COL14A1: variants seen among roughly 807,000 people sequenced by gnomAD.
COL14A1 encodes the protein collagen alpha-1(XIV) chain.
A neutral mutation model predicts 230.3 loss-of-function variants in COL14A1; 136 were observed. That is an observed-to-expected ratio of 0.59 (90% CI 0.51 to 0.68). The LOEUF (loss-of-function observed/expected upper bound fraction) is 0.68. Ranked by LOEUF, COL14A1 falls within the 30% of genes least tolerant of loss-of-function variation. The pLI, the probability that COL14A1 is intolerant of heterozygous loss-of-function variation, is 0.00. For missense variants in COL14A1, 1,976 were observed against 2,215.8 expected (o/e 0.89, Z 2.17); for synonymous variants, 792 against 784.1 (o/e 1.01, Z -0.17).
intron 43 of COL14A1, among the ~76,000 whole-genome samples, 190 bp from the exon 44 acceptor site, chr8:120,342,190 A>C (rs1276143580): frequency 1.3e-5 from 2 of 152,210 alleles, no homozygotes; most frequent in Non-Finnish European, 2.9e-5. Context: ...GACTCCCAGG[A>C]ACCTTGAACC....
At chr8:120,204,631 T>A (rs148285018) in intron 9 of COL14A1, among the ~76,000 whole-genome samples, 4 of 152,230 alleles carry the variant, frequency 2.6e-5, no homozygotes, top group African/African-American at 9.6e-5. Context: ...CTGCTGTGAA[T>A]GTTCATGTGG....
At chr8:120,235,125 T>C (rs1818398493) in intron 19 of COL14A1, among the ~76,000 whole-genome samples, 1 of 152,160 alleles carries the variant, frequency 6.6e-6, no homozygotes, top group Non-Finnish European at 1.5e-5. Context: ...TATTCTCTGA[T>C]GGTAGTTTGT....
At chr8:120,230,230 C>A (rs1818225826) in intron 18 of COL14A1, among the ~76,000 whole-genome samples, 1 of 152,142 alleles carries the variant, frequency 6.6e-6, no homozygotes, top group Admixed American at 6.5e-5. Context: ...CTGTGGGTAA[C>A]TGACACTTGG....
chr8:120,195,501 A>G (rs775494316), intron 5 of COL14A1, among the ~76,000 whole-genome samples: 1 of 152,114 alleles, frequency 6.6e-6, no homozygotes. Context: ...TCGGTACTAA[A>G]AGTATTGGTC....
intron 40 of COL14A1, among the ~76,000 whole-genome samples, chr8:120,325,648 G>A (rs372437096): frequency 1.3e-5 from 2 of 151,940 alleles, no homozygotes; most frequent in African/African-American, 4.8e-5. Flanking sequence ...GTAACGTACC[G>A]CACCCAGCTA....
chr8:120,181,568 A>G (rs1297039034), intron 5 of COL14A1, among the ~76,000 whole-genome samples: 2 of 152,218 alleles, frequency 1.3e-5, no homozygotes, highest in South Asian at 2.1e-4. Flanking sequence ...ATAAACAGCT[A>G]TATGGTATAC....
intron 40 of COL14A1, among the ~76,000 whole-genome samples, chr8:120,321,144 C>T (rs745599173): frequency 3.3e-5 from 5 of 152,210 alleles, no homozygotes; most frequent in East Asian, 1.9e-4. Flanking sequence ...GACTTCAACA[C>T]GGAAGATGTT....
intron 5 of COL14A1, among the ~76,000 whole-genome samples, chr8:120,190,255 A>C (rs1327763336): frequency 6.6e-6 from 1 of 151,950 alleles, no homozygotes; most frequent in Non-Finnish European, 1.5e-5. Context: ...GCATTTTTTC[A>C]TGTGGTTTTT....
intron 40 of COL14A1, among the ~76,000 whole-genome samples, chr8:120,323,041 T>C (rs985497735): frequency 3.3e-5 from 5 of 152,240 alleles, no homozygotes; most frequent in African/African-American, 1.2e-4. Flanking sequence ...TGTTCCTTTT[T>C]CTCCACAACT....
chr8:120,255,970 C>A (rs901722461), intron 23 of COL14A1, among the ~76,000 whole-genome samples: 6 of 152,110 alleles, frequency 3.9e-5, no homozygotes, highest in Middle Eastern at 3.4e-3. Flanking sequence ...TCGAGAACAA[C>A]AACAAATGGC....
At chr8:120,293,840 T>C (rs562503518) in intron 34 of COL14A1, among the ~76,000 whole-genome samples, 1 of 151,978 alleles carries the variant, frequency 6.6e-6, no homozygotes, top group African/African-American at 2.4e-5. Flanking sequence ...ACCTTAAAAT[T>C]CTAATTAATA....
At chr8:120,351,139 T>C (rs921313737) in intron 45 of COL14A1, among the ~76,000 whole-genome samples, 4 of 142,726 alleles carry the variant, frequency 2.8e-5, no homozygotes, top group Non-Finnish European at 6.1e-5. Context: ...GAATGACTAC[T>C]GGGTACATAA....
chr8:120,263,548 C>T (rs73704140), intron 24 of COL14A1, among the ~76,000 whole-genome samples: 2 of 152,268 alleles, frequency 1.3e-5, no homozygotes, highest in African/African-American at 4.8e-5. Flanking sequence ...TTTACATGTT[C>T]CAAAGAGCAA....
intron 45 of COL14A1, among the ~76,000 whole-genome samples, chr8:120,362,843 A>T (rs1823267572): frequency 6.6e-6 from 1 of 152,158 alleles, no homozygotes; most frequent in African/African-American, 2.4e-5. Flanking sequence ...ATGATCCTAA[A>T]TATTATTTTG....
intron 20 of COL14A1, among the ~76,000 whole-genome samples, chr8:120,244,405 T>C (rs1818702065): frequency 6.6e-6 from 1 of 152,182 alleles, no homozygotes; most frequent in Non-Finnish European, 1.5e-5. Flanking sequence ...TTTATTTCCA[T>C]AGGTTTTGGG....
chr8:120,231,713 T>G (rs189346244), intron 19 of COL14A1, 95 bp downstream of exon 19: 2 of 1,278,038 alleles, frequency 1.6e-6, no homozygotes, highest in African/African-American at 3.0e-5. Flanking sequence ...TTACTGCTCT[T>G]TTCTCAGTGA....
chr8:120,136,891 G>T (rs1230511941), intron 1 of COL14A1, among the ~76,000 whole-genome samples: 1 of 134,938 alleles, frequency 7.4e-6, no homozygotes, highest in Non-Finnish European at 1.5e-5. Context: ...CTTGAACCCG[G>T]TAGGAGGTTG....
At chr8:120,193,159 T>A (rs1331349262) in intron 5 of COL14A1, among the ~76,000 whole-genome samples, 1 of 152,220 alleles carries the variant, frequency 6.6e-6, no homozygotes, top group African/African-American at 2.4e-5. Context: ...GCTCTGTTTT[T>A]TCCCCATCTT....
chr8:120,134,045 T>C (rs1198536448), intron 1 of COL14A1, among the ~76,000 whole-genome samples: 1 of 151,916 alleles, frequency 6.6e-6, no homozygotes, highest in Non-Finnish European at 1.5e-5. Flanking sequence ...AGAAATAAAC[T>C]CAAAATGTCA....
Sources: gnomAD v4.1 joint callset for allele counts (sites outside exome capture counted in the v4.1 genomes callset) on GRCh38, gnomAD v4.1.1 for gene constraint, MANE v1.5 for transcripts, NCBI Gene and HGNC (gene_info 2026-07-23, HGNC 2026-07-21) for gene names.